ITIH5: variants seen among roughly 807,000 people sequenced by gnomAD.
ITIH5 encodes the protein inter-alpha-trypsin inhibitor heavy chain H5.
ITIH5 carries 65 observed loss-of-function variants against 77.5 expected under a neutral mutation model. That is an observed-to-expected ratio of 0.84 (90% CI 0.69 to 1.03). The LOEUF (loss-of-function observed/expected upper bound fraction) is 1.03. Among genes scored for constraint, ITIH5 ranks in the 50% least tolerant of loss-of-function variants. The pLI, the probability that ITIH5 is intolerant of heterozygous loss-of-function variation, is 0.00. For synonymous variants in ITIH5, 525 were observed against 494.3 expected (o/e 1.06, Z -0.82); for missense variants, 1,208 against 1,213.1 (o/e 1.00, Z 0.06).
rs192225119 is a variant in ITIH5, at chr10:7,644,830, C to T, written c.136-2740G>A. Among the ~76,000 whole-genome samples the T allele has an allele frequency of 2.7e-3, 266 of 98,896 alleles. 10 individuals carry two copies. Among genetic ancestry groups the T allele is most frequent in the African/African-American group, 9.8e-3 (248 of 25,358 alleles). The allele number at this position is 98,896 out of a possible 152,430, so 64.9% of individuals were successfully genotyped here. A position where few individuals can be genotyped will look rare whatever the true frequency, so the allele number is the denominator to read the frequency against. On this transcript the variant is annotated intron_variant, in intron 2 of 13. Coordinates refer to ENST00000397146, the MANE Select transcript of ITIH5 (RefSeq NM_030569.7). ...TATCACATATATATCATATATATCA[C>T]ATATATATCACATATATATCACATA...
chr10:7,592,336 C>T (rs560326584), intron 7 of ITIH5, among the ~76,000 whole-genome samples: 29 of 152,296 alleles, frequency 1.9e-4, no homozygotes, highest in Middle Eastern at 6.8e-3. Flanking sequence ...TCCCCTTGCC[C>T]TGCCCCACCC....
At chr10:7,597,260 G>A (rs1448352395) in intron 7 of ITIH5, among the ~76,000 whole-genome samples, 3 of 152,048 alleles carry the variant, frequency 2.0e-5, no homozygotes, top group East Asian at 1.9e-4. Context: ...CAGTGGGGAG[G>A]GGGCAGGTGT....
chr10:7,650,030 T>C (rs1261244523), intron 2 of ITIH5, among the ~76,000 whole-genome samples: 3 of 152,234 alleles, frequency 2.0e-5, no homozygotes, highest in African/African-American at 7.2e-5. Context: ...TTCATTATTT[T>C]TTCCTACAAA....
intron 2 of ITIH5, among the ~76,000 whole-genome samples, chr10:7,644,752 C>CACATATATATCATATATATCAT: frequency 1.7e-5 from 2 of 121,102 alleles, no homozygotes; most frequent in South Asian, 4.9e-4. Flanking sequence ...ATATATATCA[C>CACATATATATCATATATATCAT]ATATATCACA....
Position 7,580,036 on chromosome 10 carries a change from C to T in ITIH5, c.1137G>A (p.Arg379=), listed in dbSNP as rs1311215490. The change falls in exon 9 of 14, where the codon AGG becomes AGA. Residue 379 remains arginine (R), a synonymous_variant. Transcript: ENST00000397146. ...GGTDINGALQ[R]AIRLLNKYVA... The stretch of plus-strand genomic sequence containing the variant: ...CGTACTTGTTGAGGAGCCTGATGGC[C>T]CTCTGCAGGGCCCCGTTGATGTCTG... 9 of 1,609,936 alleles carry T rather than the reference C, an allele frequency of 5.6e-6. No homozygotes were observed. The highest frequency in any genetic ancestry group is 7.6e-6 in the Non-Finnish European group (9 of 1,178,920).
rs1832340298 is a variant in ITIH5, at chr10:7,573,198, A to G, written c.1979-3T>C. ...GTATGGCTTCTTGAGCAAAGGTCCT[A>G]AAAGGGAGAAGGAAGAGAACATCAT... On this transcript the variant is annotated splice_region_variant and splice_polypyrimidine_tract_variant and intron_variant, in intron 10 of 13. Transcript: ENST00000397146. 6.2e-7 allele frequency: 1 copy of G among 1,610,986 alleles called. No homozygotes were observed. The highest frequency in any genetic ancestry group is 2.2e-5 in the East Asian group (1 of 44,846).
At chr10:7,566,851 GAAGAA>G in intron 12 of ITIH5, among the ~76,000 whole-genome samples, 1 of 23,636 alleles carries the variant, frequency 4.2e-5, no homozygotes, top group African/African-American at 1.7e-4. Context: ...AGAGGAAGAA[GAAGAA>G]GAAGAAGAAG....
intron 2 of ITIH5, among the ~76,000 whole-genome samples, chr10:7,650,600 A>G (rs1020305128): frequency 6.6e-6 from 1 of 152,018 alleles, no homozygotes; most frequent in African/African-American, 2.4e-5. Context: ...GCCAGGTGTG[A>G]TGATGGGTGC....
At chr10:7,662,912 T>C (rs1264975053) in intron 1 of ITIH5, among the ~76,000 whole-genome samples, 1 of 152,182 alleles carries the variant, frequency 6.6e-6, no homozygotes, top group South Asian at 2.1e-4. Context: ...TTGTTGTTTT[T>C]TTCCCCCCCA....
In ITIH5 at chr10:7,562,105, G is replaced by A. The variant is rs1256317410; in HGVS notation, c.*978C>T. 6.6e-6 allele frequency: 1 copy of A among 152,170 alleles called. No homozygotes were observed. The highest frequency in any genetic ancestry group is 2.4e-5 in the African/African-American group (1 of 41,382). The allele number at this position is 152,170 out of a possible 1,614,324, so 9.4% of individuals were successfully genotyped here. On this transcript the variant is annotated 3_prime_UTR_variant, in exon 14 of 14. Transcript: ENST00000397146. Reference sequence around the variant, plus strand: ...AAGCACCGACACGCTTCCTGCTATAGGTGGGCTGGTGGACCTGCTCTGAGC... The same window carrying A: ...AAGCACCGACACGCTTCCTGCTATAAGTGGGCTGGTGGACCTGCTCTGAGC...
At chr10:7,619,054 T>C (rs1833424837) in intron 5 of ITIH5, 1 of 152,284 alleles carries the variant, frequency 6.6e-6, no homozygotes, top group Non-Finnish European at 1.5e-5. Flanking sequence ...TCTGCTCATC[T>C]GAAGGAGTTG....
chr10:7,620,167 C>G (rs1833451071), intron 5 of ITIH5: 1 of 151,432 alleles, frequency 6.6e-6, no homozygotes, highest in East Asian at 2.0e-4. Context: ...GAGCAAAATT[C>G]CATCCCACCA....
chr10:7,648,800 A>T (rs1834046326), intron 2 of ITIH5, among the ~76,000 whole-genome samples: 1 of 152,242 alleles, frequency 6.6e-6, no homozygotes, highest in African/African-American at 2.4e-5. Flanking sequence ...TATTAAGTTT[A>T]TCACATTATC....
intron 7 of ITIH5, among the ~76,000 whole-genome samples, chr10:7,602,746 C>T (rs1003658638): frequency 6.6e-6 from 1 of 152,200 alleles, no homozygotes; most frequent in South Asian, 2.1e-4. Flanking sequence ...ATCAGCTTCT[C>T]CTCTAGGGTT....
intron 12 of ITIH5, among the ~76,000 whole-genome samples, chr10:7,568,076 C>A (rs989936585): frequency 6.6e-6 from 1 of 152,154 alleles, no homozygotes; most frequent in Non-Finnish European, 1.5e-5. Context: ...GTGAACCAGG[C>A]CCCAGGGTTC....
chr10:7,653,779 C>T (rs1331153393), intron 2 of ITIH5, among the ~76,000 whole-genome samples: 1 of 152,208 alleles, frequency 6.6e-6, no homozygotes, highest in African/African-American at 2.4e-5. Context: ...TCTACCACCT[C>T]TTCCCAGCTG....
chr10:7,624,798 A>AT (rs1554755317), intron 5 of ITIH5, among the ~76,000 whole-genome samples: 654 of 61,738 alleles, frequency 0.011, 29 homozygotes, highest in African/African-American at 0.028. Context: ...AAAAAAAAAA[A>AT]ATATATATAT....
chr10:7,653,920 C>T (rs748511832), intron 2 of ITIH5, among the ~76,000 whole-genome samples: 9 of 152,136 alleles, frequency 5.9e-5, no homozygotes, highest in South Asian at 2.1e-4. Flanking sequence ...TTTGGGAGGC[C>T]GAGGTGGGCG....
intron 5 of ITIH5, chr10:7,620,049 T>G (rs1354093535): frequency 1.3e-5 from 2 of 152,152 alleles, no homozygotes; most frequent in African/African-American, 4.8e-5. Context: ...GTGGTGGCTG[T>G]AATCCCAGCT....
Sources: gnomAD v4.1 joint callset for allele counts (sites outside exome capture counted in the v4.1 genomes callset) on GRCh38, gnomAD v4.1.1 for gene constraint, MANE v1.5 for transcripts, NCBI Gene and HGNC (gene_info 2026-07-23, HGNC 2026-07-21) for gene names.